SLC6A17: variants seen among roughly 807,000 people sequenced by gnomAD.
The protein encoded by SLC6A17 is sodium-dependent neutral amino acid transporter SLC6A17.
In SLC6A17, 21 loss-of-function variants were observed where a neutral mutation model predicts 64.5. That is an observed-to-expected ratio of 0.33 (90% CI 0.23 to 0.47). The LOEUF is 0.47. SLC6A17 is among the 20% of genes least tolerant of loss of function. SLC6A17 has a pLI of 1.00. For synonymous variants in SLC6A17, 372 were observed against 399.5 expected (o/e 0.93, Z 0.82); for missense variants, 682 against 963.2 (o/e 0.71, Z 3.86).
rs187834705 is a variant in SLC6A17, at chr1:110,191,077, C to T, written c.865-895C>T. Among the ~76,000 whole-genome samples, 221 of 152,324 alleles carry T rather than the reference C, an allele frequency of 1.5e-3. 1 individual carries two copies. The highest frequency in any genetic ancestry group is 2.8e-3 in the Non-Finnish European group (189 of 68,032). On this transcript the variant is annotated intron_variant, in intron 6 of 11. Transcript: ENST00000331565. ...CGTACAGGCATTACTTGTTGCTATA[C>T]ATTTGATCCTCACGTTCACTCCGAG...
chr1:110,196,746 C>G (rs1656980210), intron 10 of SLC6A17, among the ~76,000 whole-genome samples: 1 of 152,114 alleles, frequency 6.6e-6, no homozygotes. Context: ...CAAGATCTAG[C>G]TATAGATCTA....
intron 1 of SLC6A17, among the ~76,000 whole-genome samples, chr1:110,157,140 C>T (rs1041155925): frequency 4.6e-5 from 7 of 152,256 alleles, no homozygotes; most frequent in African/African-American, 1.7e-4. Context: ...CTGGTGTGCC[C>T]TTCAGCACCT....
Position 110,167,225 on chromosome 1 carries a change from A to G in SLC6A17, c.286+10A>G, listed in dbSNP as rs187996451. 2.2e-4 allele frequency: 356 copies of G among 1,603,578 alleles called. 2 individuals carry two copies. In the African/African-American group the frequency reaches 4.1e-3, roughly 18 times the overall value. On this transcript the variant is annotated intron_variant, in intron 2 of 11. Transcript: ENST00000331565. ...CAGAAAAATGGAGGAGGTAAGAGAC[A>G]GCTCTGCCTGCATCAGGGGTCCCCT...
rs1332997871 is a variant in SLC6A17 at position 110,192,922 on chromosome 1, C to T, written c.1299+224C>T. 3.9e-5 allele frequency among the ~76,000 whole-genome samples: 6 copies of T among 152,240 alleles called. No homozygotes were observed. Among genetic ancestry groups the T allele is most frequent in the African/African-American group, 1.4e-4 (6 of 41,466 alleles). On this transcript the variant is annotated intron_variant, in intron 8 of 11. Transcript: ENST00000331565. The surrounding 1 kb of genome is among the most constrained non-coding windows in gnomAD (Gnocchi z 4.3). ...GCCTAGACAAGAAGTAGGGCAGACA[C>T]ACACCTCTCAGAAGTCACAGTAAGT...
At chr1:110,194,293 A>ACATGAGCATCTTC (rs1553207642) in intron 8 of SLC6A17, among the ~76,000 whole-genome samples, 2 of 152,192 alleles carry the variant, frequency 1.3e-5, no homozygotes, top group Non-Finnish European at 2.9e-5. Context: ...GTATTTCTAA[A>ACATGAGCATCTTC]CATGAGCATC....
Position 110,174,085 on chromosome 1 carries a change from A to G in SLC6A17, c.557A>G (p.Asn186Ser). 6.2e-7 allele frequency: 1 copy of G among 1,614,098 alleles called. No homozygotes were observed. The highest frequency in any genetic ancestry group is 8.5e-7 in the Non-Finnish European group (1 of 1,179,974). ...TGGAGTGAATGTCCTGTCGTCAGGA[A>G]TGGGAGCGTGGCAGGCAAGTATGGG... Reference protein sequence around the residue: ...LPWSECPVVRNGSVAVVEAEC... With the variant: ...LPWSECPVVRSGSVAVVEAEC... The change falls in exon 4 of 12, where the codon AAT becomes AGT. Residue 186 changes from asparagine to serine, a missense_variant. Physicochemically the swap from Asn to Ser is conservative, Grantham distance 46. Around this residue, in one of 3 missense-constraint regions of SLC6A17, gnomAD observed 415 missense variants for 603.8 expected, o/e 0.69. Transcript: ENST00000331565.
intron 6 of SLC6A17, among the ~76,000 whole-genome samples, chr1:110,187,284 A>G (rs917208663): frequency 1.4e-4 from 22 of 152,262 alleles, no homozygotes; most frequent in Non-Finnish European, 2.9e-4. Flanking sequence ...CAGAGACTCC[A>G]GTGCAGTCAT....
intron 1 of SLC6A17, among the ~76,000 whole-genome samples, chr1:110,161,847 C>T (rs966025717): frequency 6.6e-6 from 1 of 152,234 alleles, no homozygotes; most frequent in Non-Finnish European, 1.5e-5. Context: ...CCCCCACCAC[C>T]TTGAGCTTAT....
In SLC6A17 at chr1:110,197,507, G is replaced by A. The variant is rs143189177; in HGVS notation, c.1723G>A (p.Val575Met). Reference protein sequence around the residue: ...YRFYFYMWKFVSPLCMAVLTT... With the variant: ...YRFYFYMWKFMSPLCMAVLTT... ...CTTCTATTTCTACATGTGGAAGTTC[G>A]TGTCTCCACTATGCATGGCTGTGCT... Residue 575 changes from valine to methionine, a missense_variant, in exon 11 of 12, where the codon GTG (valine) becomes ATG (methionine). By Grantham distance (21) the Val-to-Met change is conservative. Around this residue, in one of 3 missense-constraint regions of SLC6A17, gnomAD observed 264 missense variants for 339.5 expected, o/e 0.78. Coordinates refer to ENST00000331565, the MANE Select transcript of SLC6A17 (RefSeq NM_001010898.4). 1.3e-4 allele frequency: 206 copies of A among 1,613,758 alleles called. No homozygotes were observed. The highest frequency in any genetic ancestry group is 1.5e-4 in the Admixed American group (9 of 59,994).
intron 6 of SLC6A17, among the ~76,000 whole-genome samples, chr1:110,182,286 A>G (rs893271230): frequency 4.6e-5 from 7 of 152,204 alleles, no homozygotes; most frequent in African/African-American, 1.7e-4. Context: ...GATGGAATTG[A>G]CATTCATGGA....
chr1:110,163,151 T>C (rs529697515), intron 1 of SLC6A17, among the ~76,000 whole-genome samples: 3 of 152,304 alleles, frequency 2.0e-5, no homozygotes, highest in Non-Finnish European at 4.4e-5. Context: ...ATTGCTGGTC[T>C]TTTGGGTCCA....
chr1:110,176,572 G>T, intron 5 of SLC6A17, 57 bp from the exon 6 acceptor site: 1 of 1,513,310 alleles, frequency 6.6e-7, no homozygotes, highest in East Asian at 2.3e-5. Flanking sequence ...GCAGGGATGG[G>T]GGGTGCCAGC....
Position 110,194,630 on chromosome 1 carries a change from C to G in SLC6A17, c.1351C>G (p.His451Asp). The change falls in exon 9 of 12, where the codon CAC becomes GAC. Residue 451 changes from histidine (H) to aspartate (D), a missense_variant. His to Asp is a moderately conservative substitution (Grantham distance 81). Transcript: ENST00000331565. ...CATCGCCTTCACTGAGGCCATGACG[C>G]ACTTCCCCGCCTCCCCGTTCTGGTC... ...AFIAFTEAMT[H>D]FPASPFWSVM... The G allele has an allele frequency of 6.2e-7, 1 of 1,614,186 alleles. No individual in the cohort carries two copies. The highest frequency in any genetic ancestry group is 1.1e-5 in the South Asian group (1 of 91,078).
At chr1:110,167,658 T>C (rs1222271773) in intron 2 of SLC6A17, among the ~76,000 whole-genome samples, 1 of 152,200 alleles carries the variant, frequency 6.6e-6, no homozygotes, top group Non-Finnish European at 1.5e-5. Flanking sequence ...CTAGGCACTG[T>C]TCTAAGGGCT....
At chr1:110,154,401 C>T (rs1426526373) in intron 1 of SLC6A17, among the ~76,000 whole-genome samples, 2 of 152,202 alleles carry the variant, frequency 1.3e-5, no homozygotes, top group East Asian at 3.8e-4. Flanking sequence ...GGCATTTACC[C>T]AAACAAGATT....
At chr1:110,157,988 A>G (rs540414043) in intron 1 of SLC6A17, among the ~76,000 whole-genome samples, 1 of 152,322 alleles carries the variant, frequency 6.6e-6, no homozygotes, top group Admixed American at 6.5e-5. Context: ...GCTGTGCTCC[A>G]TCCCCTCATA....
chr1:110,183,978 G>T (rs940214343), intron 6 of SLC6A17, among the ~76,000 whole-genome samples: 7 of 150,818 alleles, frequency 4.6e-5, no homozygotes, highest in Admixed American at 3.3e-4. Flanking sequence ...TCAGGAGTGT[G>T]CAGTGGACTC....
In SLC6A17 at chr1:110,198,217, G is replaced by A. The variant is rs757150136; in HGVS notation, c.1957G>A (p.Val653Met). ...LLSDGSNTLS[V>M]SYKKGRMMKD... ...CTCTGATGGCTCCAACACCCTCTCC[G>A]TGTCCTACAAGAAGGGCCGCATGAT... Residue 653 changes from valine to methionine, a missense_variant, in exon 12 of 12, where the codon GTG becomes ATG. Physicochemically the swap from Val to Met is conservative, Grantham distance 21. Coordinates refer to ENST00000331565, the MANE Select transcript of SLC6A17 (RefSeq NM_001010898.4). 8 of 1,614,012 alleles carry A rather than the reference G, an allele frequency of 5.0e-6. No homozygotes were observed. The African/African-American group carries it at 8.0e-5, about 16-fold the overall frequency.
chr1:110,157,389 A>G (rs1655786222), intron 1 of SLC6A17, among the ~76,000 whole-genome samples: 1 of 152,108 alleles, frequency 6.6e-6, no homozygotes, highest in East Asian at 1.9e-4. Flanking sequence ...CCTTGCCAAC[A>G]TGGTGAAACC....
Sources: allele counts gnomAD v4.1 joint callset (sites outside exome capture counted in the v4.1 genomes callset), GRCh38; gene constraint gnomAD v4.1.1; regional missense constraint gnomAD v4.1.1; non-coding constraint Gnocchi (gnomAD v3.1); transcripts MANE v1.5; gene names NCBI Gene and HGNC (gene_info 2026-07-23, HGNC 2026-07-21).